Variants in FILIP1L observed in about 807,000 individuals in gnomAD.
FILIP1L encodes filamin A interacting protein 1 like, also known as filamin A-interacting protein 1-like.
In FILIP1L, 55 loss-of-function variants were observed where a neutral mutation model predicts 96.6. The observed-to-expected ratio is 0.57, with a 90% confidence interval of 0.46 to 0.71. The LOEUF (loss-of-function observed/expected upper bound fraction) is 0.71, where lower values mean the gene tolerates loss of function less well. FILIP1L is among the 30% of genes least tolerant of loss of function. The pLI, the probability that FILIP1L is intolerant of heterozygous loss-of-function variation, is 0.00. For synonymous variants in FILIP1L, 467 were observed against 473.9 expected, an observed-to-expected ratio of 0.99 and a Z score of 0.19; for missense variants, 1,304 against 1,321.2, an observed-to-expected ratio of 0.99 and a Z score of 0.20.
chr3:100,017,862 A>G (rs761380548), intron 1 of FILIP1L, among the ~76,000 whole-genome samples: 39 of 152,222 alleles, frequency 2.6e-4, no homozygotes, highest in Admixed American at 7.2e-4. Context: ...TCAGCTTTCT[A>G]TTTCTCAGGC....
chr3:99,897,930 G>A (rs72934471), intron 4 of FILIP1L, among the ~76,000 whole-genome samples: 172 of 152,212 alleles, frequency 1.1e-3, no homozygotes, highest in Non-Finnish European at 1.7e-3. Flanking sequence ...CATGTTTCTC[G>A]TCACCATGAA....
At chr3:99,914,657 T>C (rs1003108642) in intron 4 of FILIP1L, among the ~76,000 whole-genome samples, 2 of 152,242 alleles carry the variant, frequency 1.3e-5, no homozygotes, top group East Asian at 3.8e-4. Context: ...GCAGTTTAGC[T>C]ATAGGTTTTA....
intron 1 of FILIP1L, among the ~76,000 whole-genome samples, chr3:100,106,136 A>G (rs1002547840): frequency 2.6e-5 from 4 of 152,280 alleles, no homozygotes; most frequent in African/African-American, 9.6e-5. Context: ...GGATTGATGG[A>G]ACAATCAGAT....
intron 5 of FILIP1L, among the ~76,000 whole-genome samples, chr3:99,834,583 T>C (rs1364953461): frequency 6.6e-6 from 1 of 152,246 alleles, no homozygotes; most frequent in African/African-American, 2.4e-5. Context: ...TAACCTTAAA[T>C]ACTTGTCTTC....
rs1322915438 is a variant in FILIP1L, at chr3:99,829,155, G to T, written c.*1259C>A. On this transcript the variant is annotated 3_prime_UTR_variant, in exon 6 of 6. Coordinates refer to ENST00000477258, the MANE Select transcript of FILIP1L (RefSeq NM_001387850.1). ...GCTGGCTAAAGCAGTCCTTAACCAT[G>T]AGGATTTCTTCCAGGGTCATGCTTC... Among the ~76,000 whole-genome samples, 1 of 152,176 alleles carries T rather than the reference G, an allele frequency of 6.6e-6. No individual in the cohort carries two copies. The highest frequency in any genetic ancestry group is 2.4e-5 in the African/African-American group (1 of 41,456).
At chr3:99,838,737 C>T (rs1408419622) in intron 5 of FILIP1L, among the ~76,000 whole-genome samples, 1 of 152,220 alleles carries the variant, frequency 6.6e-6, no homozygotes, top group Non-Finnish European at 1.5e-5. Flanking sequence ...CCTGGAACAG[C>T]TTTCCTTATA....
intron 1 of FILIP1L, among the ~76,000 whole-genome samples, chr3:100,059,412 A>C (rs1347580464): frequency 2.0e-5 from 3 of 152,098 alleles, no homozygotes; most frequent in African/African-American, 7.2e-5. Flanking sequence ...CGTGATCATC[A>C]CTGCTTTCCC....
chr3:99,881,933 C>T (rs1300803292), intron 4 of FILIP1L, among the ~76,000 whole-genome samples: 1 of 152,132 alleles, frequency 6.6e-6, no homozygotes, highest in Non-Finnish European at 1.5e-5. Flanking sequence ...AGAGAAAGAC[C>T]TGTGGATTCA....
intron 4 of FILIP1L, among the ~76,000 whole-genome samples, chr3:99,895,763 A>G (rs1276975636): frequency 6.6e-6 from 1 of 152,166 alleles, no homozygotes; most frequent in Non-Finnish European, 1.5e-5. Context: ...CTCTCCATCA[A>G]GTTTTCTGTT....
intron 1 of FILIP1L, among the ~76,000 whole-genome samples, chr3:100,090,642 T>C (rs921907756): frequency 1.3e-5 from 2 of 152,202 alleles, no homozygotes; most frequent in African/African-American, 4.8e-5. Context: ...GTGTTCTCTG[T>C]AGCATTTCCC....
chr3:100,046,574 G>C (rs2065282414), intron 1 of FILIP1L, among the ~76,000 whole-genome samples: 1 of 152,102 alleles, frequency 6.6e-6, no homozygotes. Context: ...GGTTGTTGTT[G>C]ATGTTTTTGT....
intron 4 of FILIP1L, among the ~76,000 whole-genome samples, chr3:99,909,616 A>G (rs1348928019): frequency 1.3e-5 from 2 of 152,222 alleles, no homozygotes; most frequent in East Asian, 3.8e-4. Context: ...AAATCTTTGC[A>G]TAAAGAAATA....
chr3:99,899,623 A>C (rs1435469733), intron 4 of FILIP1L, among the ~76,000 whole-genome samples: 1 of 152,222 alleles, frequency 6.6e-6, no homozygotes, highest in Non-Finnish European at 1.5e-5. Context: ...AGGACAAAGT[A>C]CTAGGAATCT....
At chr3:99,851,310 A>C (rs1943686766) in intron 4 of FILIP1L, among the ~76,000 whole-genome samples, 1 of 152,186 alleles carries the variant, frequency 6.6e-6, no homozygotes, top group African/African-American at 2.4e-5. Flanking sequence ...CCTTAGTAAA[A>C]GAGTAAGGGC....
chr3:100,092,436 C>T (rs2066126901), intron 1 of FILIP1L, among the ~76,000 whole-genome samples: 1 of 151,462 alleles, frequency 6.6e-6, no homozygotes, highest in South Asian at 2.1e-4. Flanking sequence ...TTTTTTTTAA[C>T]ATGGAAAAGC....
intron 1 of FILIP1L, among the ~76,000 whole-genome samples, chr3:99,948,570 G>A (rs1455934872): frequency 2.1e-5 from 3 of 144,406 alleles, no homozygotes; most frequent in Non-Finnish European, 4.6e-5. Context: ...AGGAGAAGGC[G>A]AAGGAGAAGA....
chr3:99,839,743 T>G (rs1943048187), intron 5 of FILIP1L, among the ~76,000 whole-genome samples: 1 of 152,242 alleles, frequency 6.6e-6, no homozygotes. Flanking sequence ...GAACATGCTC[T>G]CAGCCAGTCT....
At chr3:99,852,566 C>G (rs1943752569) in intron 4 of FILIP1L, among the ~76,000 whole-genome samples, 1 of 152,070 alleles carries the variant, frequency 6.6e-6, no homozygotes, top group Admixed American at 6.6e-5. Context: ...CTGTCTCAGC[C>G]TCCCGAGTAG....
rs140424517 is a variant in FILIP1L, at chr3:99,884,669, G to T, written c.606-33599C>A. ...TAAAGAACGAGGAAATGAATGAAAG[G>T]AAGTGCTTTGAATTCAGCAGAAGAA... On this transcript the variant is annotated intron_variant, in intron 4 of 5. Coordinates refer to ENST00000477258, the MANE Select transcript of FILIP1L (RefSeq NM_001387850.1). 6.7e-3 allele frequency among the ~76,000 whole-genome samples: 1,023 copies of T among 152,312 alleles called. 3 individuals are homozygous for T. The highest frequency in any genetic ancestry group is 8.5e-3 in the African/African-American group (354 of 41,578).
Sources: gnomAD v4.1 joint callset for allele counts (sites outside exome capture counted in the v4.1 genomes callset) on GRCh38, gnomAD v4.1.1 for gene constraint, MANE v1.5 for transcripts, NCBI Gene and HGNC (gene_info 2026-07-23, HGNC 2026-07-21) for gene names.